CPD: variants seen among roughly 807,000 people sequenced by gnomAD.
CPD encodes the protein metallocarboxypeptidase D.
A neutral mutation model predicts 138.3 loss-of-function variants in CPD; 69 were observed. The observed-to-expected ratio is 0.50, with a 90% CI of 0.41 to 0.61. CPD has a LOEUF of 0.61. Among genes scored for constraint, CPD ranks in the 20% least tolerant of loss-of-function variants. The probability of loss-of-function intolerance (pLI) is 0.00; values close to 1 mark genes in which losing one functional copy is unlikely to be tolerated. For missense variants in CPD, 1,432 were observed against 1,733.3 expected, an observed-to-expected ratio of 0.83 and a Z score of 3.09; for synonymous variants, 651 against 642.1, an observed-to-expected ratio of 1.01 and a Z score of -0.21.
intron 2 of CPD, among the ~76,000 whole-genome samples, chr17:30,400,802 C>T (rs1470469860): frequency 2.7e-5 from 4 of 148,904 alleles, no homozygotes; most frequent in African/African-American, 4.9e-5. Flanking sequence ...GGACTACAGG[C>T]GCCTACCACC....
At chr17:30,418,167 T>C (rs916845680) in intron 2 of CPD, among the ~76,000 whole-genome samples, 5 of 146,774 alleles carry the variant, frequency 3.4e-5, no homozygotes, top group Non-Finnish European at 4.5e-5. Context: ...ATAATATCTC[T>C]ATTATTAATA....
chr17:30,405,834 G>C (rs1263095563), intron 2 of CPD, among the ~76,000 whole-genome samples: 1 of 151,822 alleles, frequency 6.6e-6, no homozygotes, highest in Non-Finnish European at 1.5e-5. Context: ...ATTATGTCCA[G>C]TTGCAACAAA....
At chr17:30,394,175 A>G (rs28684539) in intron 2 of CPD, among the ~76,000 whole-genome samples, 5 of 94,472 alleles carry the variant, frequency 5.3e-5, no homozygotes, top group East Asian at 1.5e-3. Context: ...CAAAAAAAAA[A>G]GAAAAAAAAA....
In CPD at chr17:30,432,617, G is replaced by A. The variant is rs368804275; in HGVS notation, c.2127+736G>A. 1.6e-3 allele frequency among the ~76,000 whole-genome samples: 244 copies of A among 152,070 alleles called. 1 individual carries two copies. The highest frequency in any genetic ancestry group is 5.7e-3 in the African/African-American group (235 of 41,488). ...TGTGTGAAAATTTAATTTAAAAATC[G>A]TTCTTAGGACCAGGCTTGGTGGCTC... is the stretch of plus-strand genomic sequence containing the variant. On this transcript the variant is annotated intron_variant, in intron 8 of 20. Coordinates refer to ENST00000225719, the MANE Select transcript of CPD (RefSeq NM_001304.5).
intron 7 of CPD, 62 bp downstream of exon 7, chr17:30,427,620 A>G: frequency 6.9e-7 from 1 of 1,454,428 alleles, no homozygotes; most frequent in South Asian, 1.2e-5. Flanking sequence ...ATCCTGGTGG[A>G]ATTTTATCTG....
intron 15 of CPD, chr17:30,455,700 A>G: frequency 2.3e-6 from 1 of 438,416 alleles, no homozygotes. Flanking sequence ...CATCTGTTCC[A>G]TTTAGTCCAC....
intron 4 of CPD, 78 bp downstream of exon 4, chr17:30,421,911 G>T: frequency 9.4e-7 from 1 of 1,065,108 alleles, no homozygotes; most frequent in Non-Finnish European, 1.4e-6. Flanking sequence ...ATATAGTCTA[G>T]TACATGTTGT....
chr17:30,397,486 A>C (rs906904626), intron 2 of CPD, among the ~76,000 whole-genome samples: 5 of 152,182 alleles, frequency 3.3e-5, no homozygotes, highest in Admixed American at 3.3e-4. Context: ...TGATCCTGGC[A>C]CTTTGGGAGG....
Position 30,445,990 on chromosome 17 carries a change from T to C in CPD, c.2843T>C (p.Met948Thr). The C allele has an allele frequency of 6.2e-7, 1 of 1,613,462 alleles. No individual in the cohort carries two copies. The highest frequency in any genetic ancestry group is 8.5e-7 in the Non-Finnish European group (1 of 1,179,718). Residue 948 changes from methionine to threonine, a missense_variant, in exon 12 of 21, where the codon ATG (methionine) becomes ACG (threonine). Around this residue, in one of 6 missense-constraint regions of CPD, gnomAD observed 124 missense variants for 117.0 expected, o/e 1.06. Coordinates refer to ENST00000225719, the MANE Select transcript of CPD (RefSeq NM_001304.5). ...DLSEFLRGLV[M>T]NYPHITNLTN... Reference sequence around the variant, plus strand: ...TCAGAGTTTCTGAGAGGACTTGTAATGAACTATCCACATATTACAAATCTT... The same window carrying C: ...TCAGAGTTTCTGAGAGGACTTGTAACGAACTATCCACATATTACAAATCTT...
At position 30,468,597 on chromosome 17, in the gene CPD, T is replaced by G. The variant is rs1017923372; in HGVS notation, c.*3783T>G. The G allele has an allele frequency of 6.6e-6, 1 of 152,642 alleles. No individual in the cohort carries two copies. The highest frequency in any genetic ancestry group is 1.5e-5 in the Non-Finnish European group (1 of 68,010). 9.5% of individuals were successfully genotyped at this position (152,642 alleles called of 1,614,324 possible). A position where few individuals can be genotyped will look rare whatever the true frequency, so the allele number is the denominator to read the frequency against. On this transcript the variant is annotated 3_prime_UTR_variant, in exon 21 of 21. Transcript: ENST00000225719. ...TTTTTAAAAGTCAATTTGTAATTTATGTGAAATCTAACTGTAATGAGGTCC... is the reference window on the plus strand; with the variant it reads ...TTTTTAAAAGTCAATTTGTAATTTAGGTGAAATCTAACTGTAATGAGGTCC...
intron 2 of CPD, among the ~76,000 whole-genome samples, chr17:30,387,649 T>C (rs1229723427): frequency 1.1e-4 from 17 of 152,336 alleles, no homozygotes; most frequent in Admixed American, 1.0e-3. Context: ...TAGGTCTTCC[T>C]TACCTTTTTA....
In CPD at chr17:30,465,596, C is replaced by G. The variant is rs892130739; in HGVS notation, c.*782C>G. On this transcript the variant is annotated 3_prime_UTR_variant, in exon 21 of 21. Transcript: ENST00000225719. ...AAAACTCATGTTGTCTATCTTTGAA[C>G]TTGGTAAAAACCCACAGGTGCTGCT... The G allele has an allele frequency of 6.6e-6, 1 of 152,640 alleles. No individual in the cohort carries two copies. The highest frequency in any genetic ancestry group is 2.4e-5 in the African/African-American group (1 of 41,454). The allele number at this position is 152,640 out of a possible 1,614,324, so 9.5% of individuals were successfully genotyped here.
At chr17:30,451,673 T>C (rs1356482128) in intron 13 of CPD, 38 bp from the exon 14 acceptor site, 1 of 1,600,120 alleles carries the variant, frequency 6.2e-7, no homozygotes, top group East Asian at 2.2e-5. Flanking sequence ...TGATTCTACA[T>C]GCAGCTAGTA....
At chr17:30,399,915 C>T (rs371684016) in intron 2 of CPD, among the ~76,000 whole-genome samples, 4 of 152,196 alleles carry the variant, frequency 2.6e-5, no homozygotes, top group South Asian at 4.1e-4. Flanking sequence ...CTTAGGAAAC[C>T]GGGAGGCAGA....
intron 11 of CPD, among the ~76,000 whole-genome samples, chr17:30,444,574 G>T (rs1912979174): frequency 6.8e-6 from 1 of 146,358 alleles, no homozygotes; most frequent in Admixed American, 6.9e-5. Flanking sequence ...GCCCAGGCTG[G>T]AGTGCATGGC....
intron 6 of CPD, among the ~76,000 whole-genome samples, chr17:30,425,120 A>G (rs1344519796): frequency 2.5e-5 from 3 of 118,828 alleles, no homozygotes; most frequent in Non-Finnish European, 5.6e-5. Flanking sequence ...AGTTTTCTTT[A>G]GTCTCTTGCA....
chr17:30,401,367 TCTTCCTCTTCTTCCTC>T (rs1288638211), intron 2 of CPD, among the ~76,000 whole-genome samples: 23 of 151,692 alleles, frequency 1.5e-4, no homozygotes, highest in African/African-American at 3.1e-4. Flanking sequence ...TTCTTCCTCC[TCTTCCTCTTCTTCCTC>T]CTCTTCCTCT....
At chr17:30,429,421 A>G (rs751383621) in intron 7 of CPD, among the ~76,000 whole-genome samples, 3 of 152,160 alleles carry the variant, frequency 2.0e-5, no homozygotes, top group Non-Finnish European at 4.4e-5. Context: ...TTTTCTTTCC[A>G]TGACATATTT....
At chr17:30,402,877 C>T (rs1343667860) in intron 2 of CPD, among the ~76,000 whole-genome samples, 1 of 152,000 alleles carries the variant, frequency 6.6e-6, no homozygotes, top group Non-Finnish European at 1.5e-5. Flanking sequence ...GAGGCCGAGG[C>T]GGGCAGATCA....
Sources: allele counts gnomAD v4.1 joint callset (sites outside exome capture counted in the v4.1 genomes callset), GRCh38; gene constraint gnomAD v4.1.1; regional missense constraint gnomAD v4.1.1; transcripts MANE v1.5; gene names NCBI Gene and HGNC (gene_info 2026-07-23, HGNC 2026-07-21).